Variants in VWF observed in about 807,000 individuals in gnomAD.
VWF encodes von Willebrand factor, also known as Factor VIII related antigen.
In VWF, 176 loss-of-function variants were observed where a neutral mutation model predicts 308.6. The observed-to-expected ratio is 0.57, with a 90% CI of 0.50 to 0.65. The LOEUF is 0.65. VWF is among the 30% of genes least tolerant of loss of function. The pLI is 0.00. For synonymous variants in VWF, 1,385 were observed against 1,443.4 expected, an observed-to-expected ratio of 0.96 and a Z score of 0.92; for missense variants, 3,146 against 3,648.2, an observed-to-expected ratio of 0.86 and a Z score of 3.55.
At position 5,985,110 on chromosome 12, in the gene VWF, C is replaced by T. The variant is rs61750626; in HGVS notation, c.6911G>A (p.Cys2304Tyr). 1.2e-6 allele frequency: 2 copies of T among 1,614,194 alleles called. No homozygotes were observed. Among genetic ancestry groups the T allele is most frequent in the Non-Finnish European group, 1.7e-6 (2 of 1,180,026 alleles). ...GAGGCGGGCTACTTCACACAGGCCA[C>T]ACGTGGGAGCTAGAGGAGAGGAACG... Reference protein sequence around the residue: ...QPCPTAKAPTCGLCEVARLRQ... With the variant: ...QPCPTAKAPTYGLCEVARLRQ... The change falls in exon 40 of 52, where the codon TGT becomes TAT. Residue 2304 changes from cysteine to tyrosine, a missense_variant. Physicochemically the swap from Cys to Tyr is radical, Grantham distance 194. Transcript: ENST00000261405.
At position 6,011,805 on chromosome 12, in the gene VWF, A is replaced by G. The variant is rs548470633; in HGVS notation, c.5665-11T>C. ...CCAGACGTCCCCGGGCTGCAGAAGA[A>G]AACAGCAGATTCAGGCAGGGAATAA... On this transcript the variant is annotated splice_polypyrimidine_tract_variant and intron_variant, in intron 33 of 51. Coordinates refer to ENST00000261405, the MANE Select transcript of VWF (RefSeq NM_000552.5). The G allele has an allele frequency of 8.1e-6, 13 of 1,598,824 alleles. No homozygotes were observed. In the African/African-American group the frequency reaches 1.7e-4, roughly 21 times the overall value.
intron 20 of VWF, among the ~76,000 whole-genome samples, chr12:6,033,038 GCATACACA>G (rs1169396198): frequency 6.6e-6 from 1 of 151,944 alleles, no homozygotes; most frequent in Non-Finnish European, 1.5e-5. Flanking sequence ...ACATGCTCAT[GCATACACA>G]CATGCACACA....
intron 1 of VWF, 131 bp from the exon 2 acceptor site, chr12:6,123,327 C>T: frequency 9.2e-7 from 1 of 1,083,174 alleles, no homozygotes; most frequent in Non-Finnish European, 1.4e-6. Context: ...CCTCGTGACC[C>T]CCTTTTCCCC....
At chr12:5,990,199 G>C (rs1349558899) in intron 38 of VWF, among the ~76,000 whole-genome samples, 4 of 152,304 alleles carry the variant, frequency 2.6e-5, no homozygotes, top group African/African-American at 9.6e-5. Context: ...GGATACCCAT[G>C]CTCCAATGAA....
intron 9 of VWF, 68 bp from the exon 10 acceptor site, chr12:6,071,411 A>G: frequency 6.4e-7 from 1 of 1,564,694 alleles, no homozygotes; most frequent in Non-Finnish European, 8.8e-7. Flanking sequence ...ATGGATTTAG[A>G]GCTCATGGTA....
chr12:6,111,190 G>A (rs1315375891), intron 3 of VWF, among the ~76,000 whole-genome samples: 1 of 152,094 alleles, frequency 6.6e-6, no homozygotes, highest in Non-Finnish European at 1.5e-5. Flanking sequence ...TTGCCCTCAG[G>A]TAGGCTCTCA....
At chr12:6,000,421 G>A (rs79135959) in intron 34 of VWF, among the ~76,000 whole-genome samples, 1 of 152,336 alleles carries the variant, frequency 6.6e-6, no homozygotes, top group East Asian at 1.9e-4. Flanking sequence ...TCTGTATTCA[G>A]CCAAGGTGCC....
At chr12:6,076,681 C>A (rs748975556) in intron 6 of VWF, among the ~76,000 whole-genome samples, 1 of 152,124 alleles carries the variant, frequency 6.6e-6, no homozygotes, top group Non-Finnish European at 1.5e-5. Context: ...AAACTGGAGC[C>A]AGTTGGTATT....
intron 45 of VWF, among the ~76,000 whole-genome samples, chr12:5,968,664 C>T (rs10774389): frequency 0.098 from 14,899 of 152,052 alleles, 1,173 homozygotes; most frequent in African/African-American, 0.22. Flanking sequence ...AGTGTGGTGG[C>T]GCACGCCTGT....
Position 6,018,980 on chromosome 12 carries a change from G to A in VWF, c.4438C>T (p.Pro1480Ser). ...PPDMAQVTVG[P>S]GLLGVSTLGP... The stretch of plus-strand genomic sequence containing the variant: ...AGGGTCGAAACCCCCAAGAGCCCCG[G>A]GCCCACAGTGACTTGTGCCATGTCG... Residue 1480 changes from proline (P) to serine (S), a missense_variant, in exon 28 of 52, where the codon CCG becomes TCG. Transcript: ENST00000261405. The A allele has an allele frequency of 6.2e-7, 1 of 1,613,946 alleles. No homozygotes were observed. The highest frequency in any genetic ancestry group is 8.5e-7 in the Non-Finnish European group (1 of 1,179,868).
chr12:6,036,120 C>T (rs1272846642), intron 19 of VWF, among the ~76,000 whole-genome samples: 2 of 152,160 alleles, frequency 1.3e-5, no homozygotes, highest in African/African-American at 2.4e-5. Context: ...CAAAATAATC[C>T]AAAATCCAAA....
At position 5,994,416 on chromosome 12, in the gene VWF, A is replaced by C; in HGVS notation, c.6255T>G (p.Cys2085Trp). Residue 2085 changes from cysteine to tryptophan, a missense_variant and splice_region_variant, in exon 36 of 52, where the codon TGT (cysteine) becomes TGG (tryptophan). Around this residue, in one of 3 missense-constraint regions of VWF, gnomAD observed 989 missense variants for 1,117.4 expected, o/e 0.89. Transcript: ENST00000261405. Reference protein sequence around the residue: ...KTFASKTYGLCGICDENGAND... With the variant: ...KTFASKTYGLWGICDENGAND... Reference sequence around the variant, plus strand: ...GAGGAGTTGAGAAAATGTTCTTACCACACAGACCATACGTCTTTGAAGCAA... The same window carrying C: ...GAGGAGTTGAGAAAATGTTCTTACCCCACAGACCATACGTCTTTGAAGCAA... The C allele has an allele frequency of 6.2e-7, 1 of 1,614,204 alleles. No individual in the cohort carries two copies. The highest frequency in any genetic ancestry group is 8.5e-7 in the Non-Finnish European group (1 of 1,180,024).
At position 6,060,665 on chromosome 12, in the gene VWF, T is replaced by G. The variant is rs1167076414; in HGVS notation, c.1533+2289A>C. On this transcript the variant is annotated intron_variant, in intron 13 of 51. Transcript: ENST00000261405. This position sits in a 1 kb window ranked among gnomAD's most constrained non-coding sequence, Gnocchi z 5.1. ...GGGTCATCTGACCCTGTCCTGAACC[T>G]TGGCCAAGGAAACGTCTTCTTGTTA... Among the ~76,000 whole-genome samples, 1 of 152,146 alleles carries G rather than the reference T, an allele frequency of 6.6e-6. No homozygotes were observed. The highest frequency in any genetic ancestry group is 1.9e-4 in the East Asian group (1 of 5,194).
chr12:5,990,287 T>C (rs216889), intron 38 of VWF, among the ~76,000 whole-genome samples: 86,496 of 152,060 alleles, frequency 0.57, 24,867 homozygotes, highest in East Asian at 0.75. Flanking sequence ...ATGACTGATG[T>C]TATGAATATA....
rs1944640495 is a variant in VWF at position 6,060,377 on chromosome 12, A to G, written c.1534-2333T>C. Among the ~76,000 whole-genome samples, 1 of 151,584 alleles carries G rather than the reference A, an allele frequency of 6.6e-6. No individual in the cohort carries two copies. Among genetic ancestry groups the G allele is most frequent in the African/African-American group, 2.4e-5 (1 of 41,276 alleles). On this transcript the variant is annotated intron_variant, in intron 13 of 51. Coordinates refer to ENST00000261405, the MANE Select transcript of VWF (RefSeq NM_000552.5). The surrounding 1 kb of genome is among the most constrained non-coding windows in gnomAD (Gnocchi z 5.1). ...TACATAACACACCCAGGGGAAGGAG[A>G]CCGGGGGGCCCCTAGCTGCACCTCC... is the stretch of plus-strand genomic sequence containing the variant.
chr12:6,016,103 G>C lies in VWF; in HGVS notation c.5441C>G (p.Ala1814Gly), dbSNP rs1358922592. The change falls in exon 31 of 52, where the codon GCC becomes GGC. Residue 1814 changes from alanine (A) to glycine (G), a missense_variant. Physicochemically the swap from Ala to Gly is moderately conservative, Grantham distance 60. This residue lies in a region of VWF where 853 missense variants were observed against 1,177.8 expected (regional missense o/e 0.72). Transcript: ENST00000261405. Reference protein sequence around the residue: ...SVDSVDAAADAARSNRVTVFP... With the variant: ...SVDSVDAAADGARSNRVTVFP... ...CAGATTCTTACTGTTGGACCTGGCG[G>C]CATCAGCTGCTGCATCCACTGAATC... The C allele has an allele frequency of 6.2e-7, 1 of 1,614,050 alleles. No homozygotes were observed. Among genetic ancestry groups the C allele is most frequent in the African/African-American group, 1.3e-5 (1 of 74,926 alleles).
Position 6,029,384 on chromosome 12 carries a change from G to C in VWF, c.2925C>G (p.Asp975Glu). 6.2e-7 allele frequency: 1 copy of C among 1,614,128 alleles called. No homozygotes were observed. The highest frequency in any genetic ancestry group is 8.5e-7 in the Non-Finnish European group (1 of 1,180,026). ...LLGKALSVVW[D>E]RHLSISVVLK... Reference sequence around the variant, plus strand: ...GGACCACGGAGATGCTCAGGTGGCGGTCCCAGACCACGGAGAGGGCTTTGC... The same window carrying C: ...GGACCACGGAGATGCTCAGGTGGCGCTCCCAGACCACGGAGAGGGCTTTGC... The change falls in exon 22 of 52, where the codon GAC (aspartate) becomes GAG (glutamate). Residue 975 changes from aspartate (D) to glutamate (E), a missense_variant. Transcript: ENST00000261405.
chr12:5,984,426 T>C lies in VWF; in HGVS notation c.6976+619A>G, dbSNP rs1943654832. ...ATGATTTTCTTTTAGTTCCTTGGAC[T>C]GTCCCCTGATCTATCTGCTCTCCCT... is the stretch of plus-strand genomic sequence containing the variant. On this transcript the variant is annotated intron_variant, in intron 40 of 51. Transcript: ENST00000261405. 2.0e-5 allele frequency among the ~76,000 whole-genome samples: 3 copies of C among 152,284 alleles called. No homozygotes were observed. The South Asian group carries it at 6.2e-4, about 31-fold the overall frequency.
At chr12:6,053,142 C>T (rs1402647776) in intron 15 of VWF, among the ~76,000 whole-genome samples, 1 of 152,166 alleles carries the variant, frequency 6.6e-6, no homozygotes, top group Non-Finnish European at 1.5e-5. Context: ...ATTCTCAAAG[C>T]CTAGGATGTA....
Sources: gnomAD v4.1 joint callset for allele counts (sites outside exome capture counted in the v4.1 genomes callset) on GRCh38, gnomAD v4.1.1 for gene constraint, gnomAD v4.1.1 regional missense constraint, Gnocchi (gnomAD v3.1) non-coding constraint, MANE v1.5 for transcripts, NCBI Gene and HGNC (gene_info 2026-07-23, HGNC 2026-07-21) for gene names.